ETAA1: variants seen among roughly 807,000 people sequenced by gnomAD.
ETAA1 encodes the protein ewing's tumor-associated antigen 1.
In ETAA1, 49 loss-of-function variants were observed where a neutral mutation model predicts 76.8. The observed-to-expected ratio is 0.64, with a 90% CI of 0.51 to 0.81. The LOEUF (loss-of-function observed/expected upper bound fraction) is 0.81. Ranked by LOEUF, ETAA1 falls within the 30% of genes least tolerant of loss-of-function variation. The probability of loss-of-function intolerance (pLI) is 0.00; values close to 1 mark genes in which losing one functional copy is unlikely to be tolerated. For synonymous variants in ETAA1, 373 were observed against 372.2 expected (o/e 1.00, Z -0.03); for missense variants, 1,099 against 1,074.0 (o/e 1.02, Z -0.32).
Position 67,410,057 on chromosome 2 carries a change from A to G in ETAA1, c.*19A>G, listed in dbSNP as rs765581442. The G allele has an allele frequency of 3.1e-6, 5 of 1,594,688 alleles. No homozygotes were observed. The highest frequency in any genetic ancestry group is 4.3e-6 in the Non-Finnish European group (5 of 1,174,450). ...TCTTTAATGAAATATTAGTTGGAAGACTTCACGAAGACTGCTGATAACTAT... is the reference window on the plus strand; with the variant it reads ...TCTTTAATGAAATATTAGTTGGAAGGCTTCACGAAGACTGCTGATAACTAT... On this transcript the variant is annotated 3_prime_UTR_variant, in exon 6 of 6. Transcript: ENST00000272342.
chr2:67,399,964 A>G (rs996151418), intron 3 of ETAA1, among the ~76,000 whole-genome samples: 5 of 152,194 alleles, frequency 3.3e-5, no homozygotes, highest in African/African-American at 1.2e-4. Flanking sequence ...CAGTGAAAAA[A>G]GTTTATACTT....
intron 5 of ETAA1, among the ~76,000 whole-genome samples, chr2:67,407,875 G>T (rs1015248030): frequency 5.3e-5 from 8 of 151,952 alleles, no homozygotes; most frequent in African/African-American, 1.7e-4. Flanking sequence ...TGTCTCAGGG[G>T]TGTCAGATGC....
rs771250902 is a variant in ETAA1 at position 67,410,911 on chromosome 2, A to G, written c.*873A>G. Reference sequence around the variant, plus strand: ...ACTTGAGGGAGTATTATTTTCTAGTATAAAACAAAAGATGTAATTAAAAGC... The same window carrying G: ...ACTTGAGGGAGTATTATTTTCTAGTGTAAAACAAAAGATGTAATTAAAAGC... On this transcript the variant is annotated 3_prime_UTR_variant, in exon 6 of 6. Transcript: ENST00000272342. 5 of 152,136 alleles carry G rather than the reference A, an allele frequency of 3.3e-5. No homozygotes were observed. Among genetic ancestry groups the G allele is most frequent in the African/African-American group, 4.8e-5 (2 of 41,462 alleles). The allele number at this position is 152,136 out of a possible 1,614,324, so 9.4% of individuals were successfully genotyped here. A position where few individuals can be genotyped will look rare whatever the true frequency, so the allele number is the denominator to read the frequency against.
At position 67,404,828 on chromosome 2, in the gene ETAA1, A is replaced by G. The variant is rs1158840296; in HGVS notation, c.2146A>G (p.Met716Val). Residue 716 changes from methionine to valine, a missense_variant, in exon 5 of 6, where the codon ATG becomes GTG. Met to Val is a conservative substitution (Grantham distance 21, BLOSUM62 1). Transcript: ENST00000272342. ...AAATAGCTCACAAATAGATAAGCCA[A>G]TGAAGATGGAGAAAGGGGAAATGTA... is the stretch of plus-strand genomic sequence containing the variant. ...LTNSSQIDKP[M>V]KMEKGEMYGN... 7.4e-6 allele frequency: 12 copies of G among 1,613,220 alleles called. No individual in the cohort carries two copies. In the East Asian group the frequency reaches 2.2e-4, roughly 30 times the overall value.
Position 67,403,471 on chromosome 2 carries a change from G to C in ETAA1, c.789G>C (p.Val263=). 1 of 1,613,320 alleles carries C rather than the reference G, an allele frequency of 6.2e-7. No homozygotes were observed. The highest frequency in any genetic ancestry group is 8.5e-7 in the Non-Finnish European group (1 of 1,179,428). ...KPIKGNTKIS[V]ANNQNSSQKP... is the part of the protein sequence containing the mutation. ...TCAAAGGAAACACCAAGATATCTGT[G>C]GCAAATAATCAAAATAGCAGTCAGA... The change falls in exon 5 of 6, where the codon GTG becomes GTC. Residue 263 remains valine, a synonymous_variant. Transcript: ENST00000272342.
At chr2:67,409,551 A>G (rs944691467) in intron 5 of ETAA1, among the ~76,000 whole-genome samples, 2 of 152,044 alleles carry the variant, frequency 1.3e-5, no homozygotes, top group African/African-American at 4.8e-5. Flanking sequence ...AAGTTTACAT[A>G]ACATTTTAAA....
chr2:67,403,778 A>G lies in ETAA1; in HGVS notation c.1096A>G (p.Thr366Ala), dbSNP rs1676122159. 1.9e-6 allele frequency: 3 copies of G among 1,613,350 alleles called. No individual in the cohort carries two copies. The highest frequency in any genetic ancestry group is 2.5e-6 in the Non-Finnish European group (3 of 1,179,454). Residue 366 changes from threonine (T) to alanine (A), a missense_variant, in exon 5 of 6, where the codon ACT becomes GCT. By Grantham distance (58) the Thr-to-Ala change is moderately conservative. Around this residue, in one of 3 missense-constraint regions of ETAA1, gnomAD observed 761 missense variants for 731.9 expected, o/e 1.04. Coordinates refer to ENST00000272342, the MANE Select transcript of ETAA1 (RefSeq NM_019002.4). ...CVTSCTKEPE[T>A]SNKYIDAFTT... ...GACTTCCTGTACTAAGGAGCCAGAA[A>G]CTTCTAATAAGTACATTGATGCATT...
rs1676151694 is a variant in ETAA1 at position 67,404,633 on chromosome 2, C to G, written c.1951C>G (p.Gln651Glu). The G allele has an allele frequency of 1.2e-6, 2 of 1,613,070 alleles. No homozygotes were observed. Among genetic ancestry groups the G allele is most frequent in the South Asian group, 1.1e-5 (1 of 90,998 alleles). Residue 651 changes from glutamine to glutamate, a missense_variant, in exon 5 of 6, where the codon CAG becomes GAG. Coordinates refer to ENST00000272342, the MANE Select transcript of ETAA1 (RefSeq NM_019002.4). ...TTCCGAACATGGAGCCAAACTAACTCAGCAACAAGACATTAGAAAGGACAG... is the reference window on the plus strand; with the variant it reads ...TTCCGAACATGGAGCCAAACTAACTGAGCAACAAGACATTAGAAAGGACAG... Reference protein sequence around the residue: ...NNSEHGAKLTQQQDIRKDSKT... With the variant: ...NNSEHGAKLTEQQDIRKDSKT...
chr2:67,408,966 G>A (rs1253335891), intron 5 of ETAA1, among the ~76,000 whole-genome samples: 3 of 151,942 alleles, frequency 2.0e-5, no homozygotes, highest in East Asian at 1.9e-4. Flanking sequence ...AATATCTACA[G>A]TCTGTTAGGT....
chr2:67,408,388 C>T (rs1676274770), intron 5 of ETAA1, among the ~76,000 whole-genome samples: 1 of 152,086 alleles, frequency 6.6e-6, no homozygotes, highest in Non-Finnish European at 1.5e-5. Flanking sequence ...ATCCAGATTT[C>T]ATTGTCCATA....
Position 67,411,735 on chromosome 2 carries a change from G to C in ETAA1, c.*1697G>C, listed in dbSNP as rs777754741. On this transcript the variant is annotated 3_prime_UTR_variant, in exon 6 of 6. Coordinates refer to ENST00000272342, the MANE Select transcript of ETAA1 (RefSeq NM_019002.4). ...TTTTCATATCTACAGTGGAGTACTG[G>C]AGTTTAGCTAACCTATATTATTTTT... The C allele has an allele frequency of 7.9e-5, 12 of 152,044 alleles. No individual in the cohort carries two copies. The highest frequency in any genetic ancestry group is 4.1e-4 in the South Asian group (2 of 4,830). 9.4% of individuals were successfully genotyped at this position (152,044 alleles called of 1,614,324 possible). A position where few individuals can be genotyped will look rare whatever the true frequency, so the allele number is the denominator to read the frequency against.
At chr2:67,399,031 G>A (rs1250702956) in intron 1 of ETAA1, 138 bp from the exon 2 acceptor site, 4 of 717,568 alleles carry the variant, frequency 5.6e-6, no homozygotes, top group East Asian at 2.8e-5. Flanking sequence ...TTTCTGTTAC[G>A]GTTCAGGTAA....
At position 67,399,293 on chromosome 2, in the gene ETAA1, G is replaced by A; in HGVS notation, c.348G>A (p.Gln116=). The part of the protein sequence containing the change: ...FWDQNSPLTK[Q]LGKGRKKQIY... ...ATCAGAATTCTCCATTGACAAAGCA[G>A]TTAGGTAATTAATTATTAACATTTT... Residue 116 remains glutamine (Q), a synonymous_variant, in exon 2 of 6, where the codon CAG becomes CAA. Transcript: ENST00000272342. The A allele has an allele frequency of 6.2e-7, 1 of 1,604,438 alleles. No homozygotes were observed.
intron 3 of ETAA1, chr2:67,401,951 C>T (rs1469056505): frequency 2.0e-5 from 3 of 151,852 alleles, no homozygotes; most frequent in Non-Finnish European, 4.4e-5. Context: ...TATACTGACA[C>T]TGGTATGCCC....
intron 5 of ETAA1, among the ~76,000 whole-genome samples, chr2:67,406,976 C>T (rs996195922): frequency 1.3e-5 from 2 of 152,000 alleles, no homozygotes; most frequent in African/African-American, 4.8e-5. Flanking sequence ...AACAATACTC[C>T]AGTAAATATC....
At position 67,409,975 on chromosome 2, in the gene ETAA1, G is replaced by C; in HGVS notation, c.2718G>C (p.Leu906=). ...TTCAGAGAAAAAGACAAGAAGCACT[G>C]GTTCGGAGAATGGCTAAAGCACGAG... ...EEIQRKRQEA[L]VRRMAKARAS... Residue 906 remains leucine, a synonymous_variant, in exon 6 of 6, where the codon CTG becomes CTC. Transcript: ENST00000272342. The C allele has an allele frequency of 6.2e-7, 1 of 1,609,680 alleles. No individual in the cohort carries two copies. The highest frequency in any genetic ancestry group is 8.5e-7 in the Non-Finnish European group (1 of 1,178,216).
At chr2:67,409,710 TC>T (rs1676315942) in intron 5 of ETAA1, among the ~76,000 whole-genome samples, 200 bp from the exon 6 acceptor site, 1 of 151,992 alleles carries the variant, frequency 6.6e-6, no homozygotes, top group Admixed American at 6.6e-5. Flanking sequence ...TAGAGACAGA[TC>T]CATCAGTGCT....
chr2:67,402,405 A>T (rs1354647390), intron 3 of ETAA1: 1 of 151,948 alleles, frequency 6.6e-6, no homozygotes. Context: ...TAATAAGGAT[A>T]AAGAAAATTT....
At chr2:67,398,306 CT>C (rs57636211) in intron 1 of ETAA1, among the ~76,000 whole-genome samples, 65,607 of 85,284 alleles carry the variant, frequency 0.77, 25,338 homozygotes, top group East Asian at 0.91. Flanking sequence ...TGAAATAGTG[CT>C]TTTTTTTTTT....
Sources: gnomAD v4.1 joint callset for allele counts (sites outside exome capture counted in the v4.1 genomes callset) on GRCh38, gnomAD v4.1.1 for gene constraint, gnomAD v4.1.1 regional missense constraint, MANE v1.5 for transcripts, NCBI Gene and HGNC (gene_info 2026-07-23, HGNC 2026-07-21) for gene names.